The following CUL4B variants were observed in gnomAD, a reference collection of about 807,000 sequenced individuals.
The protein encoded by CUL4B is cullin 4B, also known as cullin-4B.
In CUL4B, 1 loss-of-function variant was observed where a neutral mutation model predicts 69.2. That is an observed-to-expected ratio of 0.01 (90% CI 0.01 to 0.07). The LOEUF is 0.07. Among genes scored for constraint, CUL4B ranks in the 10% least tolerant of loss-of-function variants. The pLI, the probability that CUL4B is intolerant of heterozygous loss-of-function variation, is 1.00. For missense variants in CUL4B, 328 were observed against 638.8 expected, an observed-to-expected ratio of 0.51 and a Z score of 5.24; for synonymous variants, 237 against 223.2, an observed-to-expected ratio of 1.06 and a Z score of -0.55.
intron 2 of CUL4B, among the ~76,000 whole-genome samples, chrX:120,554,271 G>A (rs1924846963): frequency 8.9e-6 from 1 of 111,784 alleles, no homozygotes; most frequent in African/African-American, 3.3e-5. Context: ...TTGTAAATGA[G>A]GAAACCAAGA....
At chrX:120,544,330 A>G (rs1202070501) in intron 6 of CUL4B, 127 bp from the exon 7 acceptor site, 1 of 805,612 alleles carries the variant, frequency 1.2e-6, no homozygotes, top group African/African-American at 2.0e-5. Context: ...TTTGTAGTTG[A>G]GAAGCATGAT....
rs961251663 is a variant in CUL4B at position 120,560,934 on chromosome X, C to G, written c.-296G>C. 8.3e-5 allele frequency: 62 copies of G among 751,098 alleles called. No homozygotes were observed. Among genetic ancestry groups the G allele is most frequent in the Admixed American group, 5.3e-4 (6 of 11,391 alleles). 61.9% of individuals were successfully genotyped at this position (751,098 alleles called of 1,213,427 possible). On this transcript the variant is annotated 5_prime_UTR_variant, in exon 1 of 20. Transcript: ENST00000371322. ...CCCTGCTTTTCGATCTCTCTCCCCC[C>G]CTTTCTGCAGGAGCGACTCAGCGAG...
chrX:120,564,520 C>G (rs980269578), upstream of CUL4B, among the ~76,000 whole-genome samples: 2 of 111,199 alleles, frequency 1.8e-5, no homozygotes, highest in Non-Finnish European at 1.9e-5. Context: ...GCAGAAGAAT[C>G]GCTTGAACTC....
At chrX:120,533,760 T>C (rs1923469956) in intron 17 of CUL4B, among the ~76,000 whole-genome samples, 1 of 111,485 alleles carries the variant, frequency 9.0e-6, no homozygotes, top group South Asian at 3.7e-4. Context: ...ATTTCCCCCT[T>C]TCCCTATGGT....
chrX:120,539,108 C>T (rs907798179), intron 12 of CUL4B, among the ~76,000 whole-genome samples, 160 bp downstream of exon 12: 2 of 111,790 alleles, frequency 1.8e-5, no homozygotes, highest in Non-Finnish European at 3.8e-5. Flanking sequence ...AAGCATAGGA[C>T]AATCAGGTAA....
upstream of CUL4B, chrX:120,561,398 A>G (rs778938313): frequency 3.6e-6 from 2 of 553,607 alleles, no homozygotes; most frequent in Non-Finnish European, 6.6e-6. Flanking sequence ...GACACTTTTC[A>G]TAGCGCCCAG....
chrX:120,547,642 T>C (rs1338243125), intron 2 of CUL4B, among the ~76,000 whole-genome samples: 1 of 111,622 alleles, frequency 9.0e-6, no homozygotes, highest in Non-Finnish European at 1.9e-5. Flanking sequence ...CCTAGGCAAC[T>C]GTGATGGTTA....
At chrX:120,563,300 C>T (rs754427789), upstream of CUL4B, among the ~76,000 whole-genome samples, 1 of 112,118 alleles carries the variant, frequency 8.9e-6, no homozygotes, top group South Asian at 3.7e-4. Context: ...GTGGTGTAAT[C>T]TTGGCTCACT....
intron 17 of CUL4B, among the ~76,000 whole-genome samples, chrX:120,534,216 T>A (rs1602570910): frequency 9.4e-6 from 1 of 106,433 alleles, no homozygotes; most frequent in East Asian, 3.0e-4. Context: ...CAAAAAAAAA[T>A]TTTAAAAATT....
chrX:120,529,845 A>G (rs1375790331), intron 19 of CUL4B, among the ~76,000 whole-genome samples: 2 of 111,546 alleles, frequency 1.8e-5, no homozygotes, highest in Non-Finnish European at 3.8e-5. Flanking sequence ...AATAAACTTG[A>G]AAATTTCAAA....
rs368304478 is a variant in CUL4B, at chrX:120,538,145, G to A, written c.1917C>T (p.Asp639=). Reference sequence around the variant, plus strand: ...TTACCTGTTTGAACTGAATCATGATGTCTTTAGAAAGTTCCATGTCTTTAA... The same window carrying A: ...TTACCTGTTTGAACTGAATCATGATATCTTTAGAAAGTTCCATGTCTTTAA... ...GMFKDMELSK[D]IMIQFKQYMQ... is the part of the protein sequence containing the mutation. Residue 639 remains aspartate (D), a synonymous_variant, in exon 14 of 20, where the codon GAC becomes GAT. Coordinates refer to ENST00000371322, the MANE Select transcript of CUL4B (RefSeq NM_001079872.2). The A allele has an allele frequency of 1.9e-5, 23 of 1,197,789 alleles. No individual in the cohort carries two copies. Among genetic ancestry groups the A allele is most frequent in the Non-Finnish European group, 2.6e-5 (23 of 885,196 alleles).
chrX:120,536,072 C>G (rs1923654078), intron 15 of CUL4B, 129 bp from the exon 16 acceptor site: 2 of 495,994 alleles, frequency 4.0e-6, no homozygotes, highest in Non-Finnish European at 7.2e-6. Flanking sequence ...CCACCAATCA[C>G]TTTGATGAAA....
Position 120,543,538 on chromosome X carries a change from A to T in CUL4B, c.1256+189T>A, listed in dbSNP as rs770701351. 3.5e-3 allele frequency among the ~76,000 whole-genome samples: 387 copies of T among 109,593 alleles called. 3 individuals are homozygous for T. The highest frequency in any genetic ancestry group is 9.3e-3 in the Middle Eastern group (2 of 216). ...CACACACACACACACACACACCCCTAATAATCGAATCCTTGGATGAAAACT... is the reference window on the plus strand; with the variant it reads ...CACACACACACACACACACACCCCTTATAATCGAATCCTTGGATGAAAACT... On this transcript the variant is annotated intron_variant, in intron 8 of 19. Coordinates refer to ENST00000371322, the MANE Select transcript of CUL4B (RefSeq NM_001079872.2).
At position 120,545,526 on chromosome X, in the gene CUL4B, G is replaced by GAA; in HGVS notation, c.847-11_847-10dup. On this transcript the variant is annotated splice_polypyrimidine_tract_variant and intron_variant, in intron 4 of 19. Coordinates refer to ENST00000371322, the MANE Select transcript of CUL4B (RefSeq NM_001079872.2). ...ATGCTCCTGATCATGATCTGCCAAT[G>GAA]AAAAAAAAAGAAATCAAACAAGTTT... is the stretch of plus-strand genomic sequence containing the variant. The GAA allele has an allele frequency of 9.1e-7, 1 of 1,099,830 alleles. No homozygotes were observed. Among genetic ancestry groups the GAA allele is most frequent in the African/African-American group, 1.8e-5 (1 of 54,418 alleles). The allele number at this position is 1,099,830 out of a possible 1,213,427, so 90.6% of individuals were successfully genotyped here.
intron 2 of CUL4B, among the ~76,000 whole-genome samples, chrX:120,550,536 A>G (rs1356940097): frequency 8.9e-6 from 1 of 111,808 alleles, no homozygotes; most frequent in Non-Finnish European, 1.9e-5. Context: ...ACAGAGTCCC[A>G]AAGACCCACA....
chrX:120,563,729 AT>A (rs2147353514), upstream of CUL4B, among the ~76,000 whole-genome samples: 1 of 112,349 alleles, frequency 8.9e-6, no homozygotes, highest in African/African-American at 3.2e-5. Flanking sequence ...CATTTTCAGG[AT>A]TTAATGAACA....
chrX:120,528,513 G>C (rs1923127221), intron 19 of CUL4B, among the ~76,000 whole-genome samples: 1 of 110,377 alleles, frequency 9.1e-6, no homozygotes, highest in African/African-American at 3.3e-5. Context: ...ATGAGGTCAG[G>C]AGTTCGAGAC....
chrX:120,569,859 G>C (rs1307852278), downstream of CUL4B, among the ~76,000 whole-genome samples: 1 of 111,121 alleles, frequency 9.0e-6, no homozygotes, highest in South Asian at 3.9e-4. Context: ...GAGTGAGTGG[G>C]AATTAGCCAG....
upstream of CUL4B, among the ~76,000 whole-genome samples, chrX:120,564,098 T>C (rs912930432): frequency 9.0e-6 from 1 of 111,075 alleles, no homozygotes; most frequent in South Asian, 3.7e-4. Flanking sequence ...AGACCAGGAG[T>C]TCCAGACCAG....
Sources: allele counts gnomAD v4.1 joint callset (sites outside exome capture counted in the v4.1 genomes callset), GRCh38; gene constraint gnomAD v4.1.1; transcripts MANE v1.5; gene names NCBI Gene and HGNC (gene_info 2026-07-23, HGNC 2026-07-21).